Variants in TRPC4 observed in about 807,000 individuals in gnomAD.
The protein encoded by TRPC4 is short transient receptor potential channel 4.
TRPC4 carries 49 observed loss-of-function variants against 99.4 expected under a neutral mutation model. That is an observed-to-expected ratio of 0.49 (90% confidence interval 0.39 to 0.63). The LOEUF (loss-of-function observed/expected upper bound fraction) is 0.63, where lower values mean the gene tolerates loss of function less well. Ranked by LOEUF, TRPC4 falls within the 20% of genes least tolerant of loss-of-function variation. TRPC4 has a pLI of 0.00. For missense variants in TRPC4, 898 were observed against 1,152.9 expected, an observed-to-expected ratio of 0.78 and a Z score of 3.20; for synonymous variants, 454 against 425.9, an observed-to-expected ratio of 1.07 and a Z score of -0.81.
At chr13:37,745,058 CTTTTA>C (rs777758672) in intron 3 of TRPC4, among the ~76,000 whole-genome samples, 14 of 152,030 alleles carry the variant, frequency 9.2e-5, no homozygotes, top group African/African-American at 2.7e-4. Context: ...GTACTAAAGT[CTTTTA>C]TTTTATTAAC....
At chr13:37,780,374 G>T (rs75778561) in intron 2 of TRPC4, among the ~76,000 whole-genome samples, 86 of 36,054 alleles carry the variant, frequency 2.4e-3, no homozygotes, top group African/African-American at 6.0e-3. Flanking sequence ...ATTTTGTTCA[G>T]TTGGATATTG....
intron 3 of TRPC4, among the ~76,000 whole-genome samples, chr13:37,724,354 A>G (rs1954967096): frequency 6.6e-6 from 1 of 152,188 alleles, no homozygotes; most frequent in Non-Finnish European, 1.5e-5. Flanking sequence ...TATTTCCCCT[A>G]ATACATTCAA....
intron 7 of TRPC4, among the ~76,000 whole-genome samples, chr13:37,653,182 G>T (rs1244299354): frequency 6.6e-6 from 1 of 151,614 alleles, no homozygotes; most frequent in Admixed American, 6.6e-5. Flanking sequence ...TCATTTTTTT[G>T]TTGAAAACAG....
chr13:37,658,948 T>C (rs564223461), intron 6 of TRPC4, among the ~76,000 whole-genome samples: 1 of 151,904 alleles, frequency 6.6e-6, no homozygotes, highest in Non-Finnish European at 1.5e-5. Context: ...GAAAAAAAAA[T>C]TGCCACATGG....
At chr13:37,796,968 A>AATAAAATAAAATAAAATAAAG (rs1957268174) in intron 1 of TRPC4, among the ~76,000 whole-genome samples, 1 of 115,114 alleles carries the variant, frequency 8.7e-6, no homozygotes, top group Non-Finnish European at 1.7e-5. Flanking sequence ...ATAAAATAAA[A>AATAAAATAAAATAAAATAAAG]TAAAGTAAAG....
rs116634261 is a variant in TRPC4 at position 37,836,291 on chromosome 13, A to T, written c.-28+33304T>A. On this transcript the variant is annotated intron_variant, in intron 1 of 10. Coordinates refer to ENST00000379705, the MANE Select transcript of TRPC4 (RefSeq NM_016179.4). ...AGTAAGTTGGTACCAAGAATGAGAC[A>T]CTGCTGAAAACGTACTTGAAAATGT... Among the ~76,000 whole-genome samples, 946 of 152,294 alleles carry T rather than the reference A, an allele frequency of 6.2e-3. 8 individuals are homozygous for T. Among genetic ancestry groups the T allele is most frequent in the African/African-American group, 0.022 (897 of 41,556 alleles).
At chr13:37,782,397 G>C (rs1186911139) in intron 2 of TRPC4, among the ~76,000 whole-genome samples, 1 of 152,056 alleles carries the variant, frequency 6.6e-6, no homozygotes, top group Non-Finnish European at 1.5e-5. Flanking sequence ...TCAGAGTTCA[G>C]CTATCTCATA....
intron 2 of TRPC4, among the ~76,000 whole-genome samples, chr13:37,772,929 C>A (rs1344879436): frequency 6.6e-6 from 1 of 151,738 alleles, no homozygotes; most frequent in Admixed American, 6.6e-5. Context: ...GTTCTCGCCT[C>A]CCCCTTCCCA....
At chr13:37,653,961 T>G (rs547460033) in intron 7 of TRPC4, among the ~76,000 whole-genome samples, 2 of 152,298 alleles carry the variant, frequency 1.3e-5, no homozygotes, top group East Asian at 3.9e-4. Flanking sequence ...CGTAAGATGC[T>G]TAAATGAAAT....
In TRPC4 at chr13:37,745,438, A is replaced by ATG. The variant is rs1661584573; in HGVS notation, c.897+498_897+499insCA. Among the ~76,000 whole-genome samples, 15 of 16,018 alleles carry ATG rather than the reference A, an allele frequency of 9.4e-4. 1 individual carries two copies. Among genetic ancestry groups the ATG allele is most frequent in the Admixed American group, 5.0e-3 (5 of 996 alleles). 10.5% of individuals were successfully genotyped at this position (16,018 alleles called of 152,430 possible). ...TGATTATTTATATATATATATGCGT[A>ATG]TATATATATATATATATATATATAT... On this transcript the variant is annotated intron_variant, in intron 3 of 10. Coordinates refer to ENST00000379705, the MANE Select transcript of TRPC4 (RefSeq NM_016179.4).
intron 3 of TRPC4, among the ~76,000 whole-genome samples, chr13:37,737,892 G>T (rs968768862): frequency 6.6e-6 from 1 of 152,104 alleles, no homozygotes; most frequent in African/African-American, 2.4e-5. Context: ...AATTTACATG[G>T]AAGAAGATAT....
intron 2 of TRPC4, among the ~76,000 whole-genome samples, chr13:37,771,419 C>A (rs17263892): frequency 0.077 from 11,665 of 151,704 alleles, 588 homozygotes; most frequent in Admixed American, 0.15. Context: ...ATCAAGAATG[C>A]TGAGCATGAA....
At chr13:37,824,579 T>C (rs9576374) in intron 1 of TRPC4, among the ~76,000 whole-genome samples, 42,512 of 150,714 alleles carry the variant, frequency 0.28, 6,071 homozygotes, top group East Asian at 0.42. Context: ...TTACATTTAT[T>C]GATTTGCGTA....
Position 37,812,021 on chromosome 13 carries a change from G to C in TRPC4, c.-27-28661C>G, listed in dbSNP as rs187119661. Among the ~76,000 whole-genome samples the C allele has an allele frequency of 2.5e-3, 371 of 151,380 alleles. 9 individuals carry two copies. Among genetic ancestry groups the C allele is most frequent in the East Asian group, 4.5e-3 (23 of 5,110 alleles). ...CTACTAAAAATACAAAAAATATCCA[G>C]GTGTGATGGTGCTTGGGAGTTGTAG... On this transcript the variant is annotated intron_variant, in intron 1 of 10. Transcript: ENST00000379705.
chr13:37,803,860 C>T (rs1464176907), intron 1 of TRPC4, among the ~76,000 whole-genome samples: 1 of 152,054 alleles, frequency 6.6e-6, no homozygotes, highest in South Asian at 2.1e-4. Flanking sequence ...TGGCTTGATC[C>T]ATTCTAGGTT....
intron 2 of TRPC4, among the ~76,000 whole-genome samples, chr13:37,753,160 CA>C (rs1177738809): frequency 2.6e-5 from 4 of 151,582 alleles, no homozygotes; most frequent in African/African-American, 9.7e-5. Flanking sequence ...TTGGAACTAG[CA>C]ATGTAAAACA....
chr13:37,669,154 A>G (rs73186515), intron 5 of TRPC4, among the ~76,000 whole-genome samples: 3,141 of 152,296 alleles, frequency 0.021, 52 homozygotes, highest in Middle Eastern at 0.068. Context: ...GTTAAAACAA[A>G]TCTTCTTATT....
intron 3 of TRPC4, among the ~76,000 whole-genome samples, chr13:37,742,130 CTTCT>C (rs1246904328): frequency 1.3e-5 from 2 of 152,088 alleles, no homozygotes; most frequent in Non-Finnish European, 2.9e-5. Flanking sequence ...TAATACAATT[CTTCT>C]TTCTATGATG....
At chr13:37,763,629 C>G (rs943889816) in intron 2 of TRPC4, among the ~76,000 whole-genome samples, 1 of 151,512 alleles carries the variant, frequency 6.6e-6, no homozygotes, top group African/African-American at 2.4e-5. Context: ...CACCTGAGTA[C>G]AAGCATACAA....
Sources: gnomAD v4.1 joint callset for allele counts (sites outside exome capture counted in the v4.1 genomes callset) on GRCh38, gnomAD v4.1.1 for gene constraint, MANE v1.5 for transcripts, NCBI Gene and HGNC (gene_info 2026-07-23, HGNC 2026-07-21) for gene names.